Variants in TONSL observed in about 807,000 individuals in gnomAD.
The protein encoded by TONSL is tonsoku-like protein.
Under a neutral mutation model 147.1 loss-of-function variants are expected in TONSL, and 112 were observed. The ratio of observed to expected loss-of-function variants is 0.76; its 90% CI spans 0.65 to 0.89. The LOEUF (loss-of-function observed/expected upper bound fraction) is 0.89, where lower values mean the gene tolerates loss of function less well. Ranked by LOEUF, TONSL falls within the 40% of genes least tolerant of loss-of-function variation. The pLI, the probability that TONSL is intolerant of heterozygous loss-of-function variation, is 0.00. For missense variants in TONSL, 1,883 were observed against 1,864.6 expected, an observed-to-expected ratio of 1.01 and a Z score of -0.18; for synonymous variants, 868 against 801.5, an observed-to-expected ratio of 1.08 and a Z score of -1.40.
At chr8:144,435,598 C>T (rs1487106828) in intron 17 of TONSL, 48 bp from the exon 18 acceptor site, 5 of 1,566,178 alleles carry the variant, frequency 3.2e-6, no homozygotes, top group East Asian at 2.3e-5. Context: ...CAGTGGGCTC[C>T]ACCCTACACC....
intron 4 of TONSL, 159 bp from the exon 5 acceptor site, chr8:144,442,965 G>A (rs1378132815): frequency 1.1e-5 from 14 of 1,235,604 alleles, no homozygotes; most frequent in Non-Finnish European, 1.2e-5. Flanking sequence ...AGTGGATAAA[G>A]AGCTGACGAT....
rs1396650254 is a variant in TONSL at position 144,442,241 on chromosome 8, C to G, written c.750G>C (p.Gln250His). The change falls in exon 6 of 26, where the codon CAG (glutamine) becomes CAC (histidine). Residue 250 changes from glutamine to histidine, a missense_variant and splice_region_variant. By Grantham distance (24) the Gln-to-His change is conservative (BLOSUM62 0). Coordinates refer to ENST00000409379, the MANE Select transcript of TONSL (RefSeq NM_013432.5). ...MESECCVVIA[Q>H]VLQDLGDFLA... ...GCTCGGAGCCACGCACAGCGGGTAC[C>G]TGTGCAATAACCACGCAGCACTCGC... 2.5e-6 allele frequency: 4 copies of G among 1,589,188 alleles called. No individual in the cohort carries two copies. The African/African-American group carries it at 4.0e-5, about 16-fold the overall frequency.
rs1823031904 is a variant in TONSL at position 144,428,876 on chromosome 8, G to T, written c.*267C>A. On this transcript the variant is annotated 3_prime_UTR_variant, in exon 26 of 26. Transcript: ENST00000409379. ...GCGATCTCGGCTCACTGCAAGCTCC[G>T]CCTCCCGGGTTCACGCCATTCTCCT... 3.2e-6 allele frequency: 1 copy of T among 316,436 alleles called. No homozygotes were observed. Among genetic ancestry groups the T allele is most frequent in the East Asian group, 5.2e-5 (1 of 19,226 alleles). 19.6% of individuals were successfully genotyped at this position (316,436 alleles called of 1,614,324 possible).
chr8:144,432,206 G>A, intron 23 of TONSL, 79 bp downstream of exon 23: 1 of 1,471,460 alleles, frequency 6.8e-7, no homozygotes, highest in Non-Finnish European at 9.3e-7. Flanking sequence ...AATCTGGGGA[G>A]AGGCGAGCTC....
chr8:144,436,466 C>T (rs1823463265), intron 16 of TONSL, 48 bp from the exon 17 acceptor site: 1 of 1,548,186 alleles, frequency 6.5e-7, no homozygotes, highest in Admixed American at 1.8e-5. Flanking sequence ...GCACCTCCCG[C>T]TCCACCTGTG....
chr8:144,430,433 G>A lies in TONSL; in HGVS notation c.3914C>T (p.Pro1305Leu), dbSNP rs370820880. 1.3e-4 allele frequency: 207 copies of A among 1,611,932 alleles called. 7 individuals carry two copies. The highest frequency in any genetic ancestry group is 1.1e-3 in the East Asian group (49 of 44,810). Residue 1305 changes from proline (P) to leucine (L), a missense_variant, in exon 25 of 26, where the codon CCC becomes CTC. By Grantham distance (98) the Pro-to-Leu change is moderately conservative. Transcript: ENST00000409379. The part of the protein sequence containing the change: ...EELLSTLQKR[P>L]QGLSFLGLSG... ...CAGGCCAAGGAAGCTAAGGCCTTGG[G>A]GCCGCTTTTGGAGGGTGGACAGGAG...
chr8:144,442,989 G>T, intron 4 of TONSL, 149 bp downstream of exon 4: 1 of 1,228,542 alleles, frequency 8.1e-7, no homozygotes, highest in Non-Finnish European at 1.1e-6. Flanking sequence ...CAGGGGAAAG[G>T]TTGAGCGGGG....
chr8:144,436,754 C>G lies in TONSL; in HGVS notation c.1890+3G>C. ...CCCTTGCCCTCTGCCCCACCAGGCT[C>G]ACCTTTCGAGTGCGGAGGGTGACGG... is the stretch of plus-strand genomic sequence containing the variant. On this transcript the variant is annotated splice_donor_region_variant and intron_variant, in intron 15 of 25. Transcript: ENST00000409379. The G allele has an allele frequency of 6.2e-7, 1 of 1,610,724 alleles. No individual in the cohort carries two copies. Among genetic ancestry groups the G allele is most frequent in the East Asian group, 2.2e-5 (1 of 44,854 alleles).
At position 144,444,091 on chromosome 8, in the gene TONSL, G is replaced by A. The variant is rs980130964; in HGVS notation, c.122-67C>T. ...CGAGGGCGGCCCTGGGGCGGCGTCTGCCGGAAGAGCCCGTCGCCCCCCGGC... is the reference window on the plus strand; with the variant it reads ...CGAGGGCGGCCCTGGGGCGGCGTCTACCGGAAGAGCCCGTCGCCCCCCGGC... On this transcript the variant is annotated intron_variant, in intron 2 of 25. Coordinates refer to ENST00000409379, the MANE Select transcript of TONSL (RefSeq NM_013432.5). 92 of 1,331,116 alleles carry A rather than the reference G, an allele frequency of 6.9e-5. 1 individual carries two copies. The highest frequency in any genetic ancestry group is 1.1e-5 in the Non-Finnish European group (11 of 1,046,040). The allele number at this position is 1,331,116 out of a possible 1,614,324, so 82.5% of individuals were successfully genotyped here.
chr8:144,428,931 A>AGG lies in TONSL; in HGVS notation c.*210_*211dup. On this transcript the variant is annotated 3_prime_UTR_variant, in exon 26 of 26. Transcript: ENST00000409379. The stretch of plus-strand genomic sequence containing the variant: ...CAGCCTCCGGAGTAGCTGGGACTAC[A>AGG]GGCTTCCACCACCACGCCCGGCTAA... 4.0e-6 allele frequency: 2 copies of AGG among 500,398 alleles called. No homozygotes were observed. Among genetic ancestry groups the AGG allele is most frequent in the Non-Finnish European group, 6.8e-6 (2 of 293,238 alleles). The allele number at this position is 500,398 out of a possible 1,614,324, so 31.0% of individuals were successfully genotyped here.
intron 2 of TONSL, 61 bp from the exon 3 acceptor site, chr8:144,444,085 G>T: frequency 1.5e-6 from 2 of 1,363,462 alleles, no homozygotes; most frequent in Non-Finnish European, 1.9e-6. Flanking sequence ...CCCTGGGGCG[G>T]CGTCTGCCGG....
At chr8:144,435,336 C>T (rs1198837547) in intron 18 of TONSL, 138 bp downstream of exon 18, 3 of 1,232,516 alleles carry the variant, frequency 2.4e-6, no homozygotes, top group Non-Finnish European at 3.3e-6. Context: ...AGCCCCTCTG[C>T]TATTCCTGGG....
rs1823442378 is a variant in TONSL, at chr8:144,436,072, G to A, written c.2361C>T (p.Thr787=). The part of the protein sequence containing the change: ...ASNREAATAS[T]SRAAYQAAIR... ...TGGCTGCCTGGTAGGCTGCCCGGCTGGTGCTGGCTGTGGCTGCTTCCCTGT... is the reference window on the plus strand; with the variant it reads ...TGGCTGCCTGGTAGGCTGCCCGGCTAGTGCTGGCTGTGGCTGCTTCCCTGT... Residue 787 remains threonine (T), a synonymous_variant, in exon 17 of 26, where the codon ACC becomes ACT. Transcript: ENST00000409379. 6.4e-7 allele frequency: 1 copy of A among 1,571,090 alleles called. No homozygotes were observed. Among genetic ancestry groups the A allele is most frequent in the African/African-American group, 1.3e-5 (1 of 74,242 alleles).
chr8:144,437,513 C>T lies in TONSL; in HGVS notation c.1654-414G>A, dbSNP rs1180787390. On this transcript the variant is annotated intron_variant, in intron 13 of 25. Transcript: ENST00000409379. ...TTTTTGAGACCAGCCAGGCTGGTCTCAAGCTCCTGACCTCGTGATCTGCCC... is the reference window on the plus strand; with the variant it reads ...TTTTTGAGACCAGCCAGGCTGGTCTTAAGCTCCTGACCTCGTGATCTGCCC... Among the ~76,000 whole-genome samples, 3 of 152,058 alleles carry T rather than the reference C, an allele frequency of 2.0e-5. No individual in the cohort carries two copies. The South Asian group carries it at 6.2e-4, about 31-fold the overall frequency.
chr8:144,434,989 C>G (rs759383515), intron 19 of TONSL, 28 bp downstream of exon 19: 2 of 1,611,836 alleles, frequency 1.2e-6, no homozygotes, highest in Non-Finnish European at 1.7e-6. Flanking sequence ...GCCTGAGGCC[C>G]TGGCTCCCCC....
chr8:144,436,157 C>A lies in TONSL; in HGVS notation c.2276G>T (p.Arg759Met). 1 of 1,573,938 alleles carries A rather than the reference C, an allele frequency of 6.4e-7. No individual in the cohort carries two copies. Among genetic ancestry groups the A allele is most frequent in the Non-Finnish European group, 8.6e-7 (1 of 1,166,678 alleles). Reference protein sequence around the residue: ...SAGPARPSQKRPRCSATAQRV... With the variant: ...SAGPARPSQKMPRCSATAQRV... Reference sequence around the variant, plus strand: ...TTGTGCTGTGGCCGAGCACCGAGGCCTCTTCTGGGACGGCCGTGCGGGGCC... The same window carrying A: ...TTGTGCTGTGGCCGAGCACCGAGGCATCTTCTGGGACGGCCGTGCGGGGCC... The change falls in exon 17 of 26, where the codon AGG becomes ATG. Residue 759 changes from arginine (R) to methionine (M), a missense_variant. Arg to Met is a moderately conservative substitution (Grantham distance 91). Coordinates refer to ENST00000409379, the MANE Select transcript of TONSL (RefSeq NM_013432.5).
rs901639338 is a variant in TONSL at position 144,442,786 on chromosome 8, G to C, written c.469C>G (p.Leu157Val). ...TAGAGGCGGGTCCTCATCTCATTCAGCTCTCCCTGGGCCAGTGTCCCTGGA... is the reference window on the plus strand; with the variant it reads ...TAGAGGCGGGTCCTCATCTCATTCACCTCTCCCTGGGCCAGTGTCCCTGGA... ...ELEGTLAQGE[L>V]NEMRTRLYLN... The change falls in exon 5 of 26, where the codon CTG becomes GTG. Residue 157 changes from leucine (L) to valine (V), a missense_variant. Transcript: ENST00000409379. 6 of 1,612,236 alleles carry C rather than the reference G, an allele frequency of 3.7e-6. No individual in the cohort carries two copies. In the African/African-American group the frequency reaches 6.7e-5, roughly 18 times the overall value.
At chr8:144,442,442 C>T in intron 5 of TONSL, 30 bp from the exon 6 acceptor site, 1 of 1,520,882 alleles carries the variant, frequency 6.6e-7, no homozygotes, top group East Asian at 2.3e-5. Context: ...ACTGAGCACC[C>T]AGGAGTGTCC....
At position 144,438,845 on chromosome 8, in the gene TONSL, G is replaced by A. The variant is rs140525059; in HGVS notation, c.1481-110C>T. The A allele has an allele frequency of 4.3e-6, 5 of 1,163,942 alleles. No homozygotes were observed. The East Asian group carries it at 1.3e-4, about 30-fold the overall frequency. 72.1% of individuals were successfully genotyped at this position (1,163,942 alleles called of 1,614,324 possible). A position where few individuals can be genotyped will look rare whatever the true frequency, so the allele number is the denominator to read the frequency against. The stretch of plus-strand genomic sequence containing the variant: ...CCCAGGTACAAAGGAGCCAGAGACG[G>A]GAGGGCTGAGCTCTGAGGCTGCTGG... On this transcript the variant is annotated intron_variant, in intron 11 of 25. Coordinates refer to ENST00000409379, the MANE Select transcript of TONSL (RefSeq NM_013432.5).
Sources: allele counts gnomAD v4.1 joint callset (sites outside exome capture counted in the v4.1 genomes callset), GRCh38; gene constraint gnomAD v4.1.1; transcripts MANE v1.5; gene names NCBI Gene and HGNC (gene_info 2026-07-23, HGNC 2026-07-21).